GNG12: variants seen among roughly 807,000 people sequenced by gnomAD.
GNG12 encodes the protein guanine nucleotide-binding protein G(I)/G(S)/G(O) subunit gamma-12.
For missense variants in GNG12, 69 were observed against 83.8 expected, an observed-to-expected ratio of 0.82 and a Z score of 0.69; for synonymous variants, 28 against 29.7, an observed-to-expected ratio of 0.94 and a Z score of 0.19.
At chr1:67,753,174 T>C (rs1646548482) in intron 2 of GNG12, among the ~76,000 whole-genome samples, 1 of 152,078 alleles carries the variant, frequency 6.6e-6, no homozygotes, top group South Asian at 2.1e-4. Flanking sequence ...TTGAAAGAAT[T>C]TTTTTTTAAG....
chr1:67,813,228 AG>A (rs1429815478), intron 1 of GNG12, among the ~76,000 whole-genome samples: 1 of 152,186 alleles, frequency 6.6e-6, no homozygotes, highest in African/African-American at 2.4e-5. Context: ...AATTATTTCA[AG>A]GGTCATCATA....
chr1:67,812,972 G>A (rs72924741), intron 1 of GNG12, among the ~76,000 whole-genome samples: 6,257 of 152,212 alleles, frequency 0.041, 243 homozygotes, highest in African/African-American at 0.1. Context: ...AATTAGCTAT[G>A]TGAACTTGGC....
intron 1 of GNG12, among the ~76,000 whole-genome samples, chr1:67,827,890 G>A (rs1216442521): frequency 1.3e-5 from 2 of 152,334 alleles, no homozygotes; most frequent in Admixed American, 6.5e-5. Flanking sequence ...AGTGACATCA[G>A]ATATGATTTT....
rs188486383 is a variant in GNG12 at position 67,769,965 on chromosome 1, T to A, written c.-27+7493A>T. 2.0e-5 allele frequency among the ~76,000 whole-genome samples: 3 copies of A among 152,126 alleles called. No homozygotes were observed. The East Asian group carries it at 5.8e-4, about 29-fold the overall frequency. The stretch of plus-strand genomic sequence containing the variant: ...AGCTGAAAATCTGAATGGGATGATA[T>A]GGGAGGGAAGGAGGGGAGATGGAGG... On this transcript the variant is annotated intron_variant, in intron 2 of 3. Coordinates refer to ENST00000370982, the MANE Select transcript of GNG12 (RefSeq NM_018841.6).
chr1:67,764,254 G>A lies in GNG12; in HGVS notation c.-27+13204C>T, dbSNP rs527530105. ...AGGTAGACAGGGAATAGTCTGGTGC[G>A]TAGAGAAAGACAAATGAGCCAGTGA... On this transcript the variant is annotated intron_variant, in intron 2 of 3. Coordinates refer to ENST00000370982, the MANE Select transcript of GNG12 (RefSeq NM_018841.6). 2.2e-4 allele frequency among the ~76,000 whole-genome samples: 33 copies of A among 152,274 alleles called. No individual in the cohort carries two copies. The South Asian group carries it at 4.6e-3, about 21-fold the overall frequency.
intron 1 of GNG12, among the ~76,000 whole-genome samples, chr1:67,828,495 T>C (rs1557630316): frequency 2.0e-5 from 3 of 152,182 alleles, no homozygotes; most frequent in Admixed American, 1.3e-4. Flanking sequence ...GAACCTCAGC[T>C]TCCTCCTCTG....
intron 2 of GNG12, among the ~76,000 whole-genome samples, chr1:67,723,566 A>T (rs1174297284): frequency 8.5e-5 from 13 of 152,146 alleles, no homozygotes; most frequent in Non-Finnish European, 4.4e-5. Context: ...TTAAGAGTTA[A>T]TATTTATATA....
At chr1:67,722,123 T>TA (rs930684358) in intron 2 of GNG12, among the ~76,000 whole-genome samples, 6 of 150,642 alleles carry the variant, frequency 4.0e-5, no homozygotes, top group Non-Finnish European at 7.4e-5. Context: ...AGAATGCACT[T>TA]AAAAAAAAAG....
intron 2 of GNG12, among the ~76,000 whole-genome samples, chr1:67,767,155 A>G (rs1027004939): frequency 6.6e-6 from 1 of 152,150 alleles, no homozygotes; most frequent in Non-Finnish European, 1.5e-5. Flanking sequence ...CCTGAACCTT[A>G]GGGCTCTTTA....
chr1:67,786,967 GTGTGTGTGTGTGTGTGTGTA>G (rs1407314313), intron 1 of GNG12, among the ~76,000 whole-genome samples: 45 of 148,734 alleles, frequency 3.0e-4, no homozygotes, highest in African/African-American at 1.1e-3. Context: ...GTGTGTGTGT[GTGTGTGTGTGTGTGTGTGTA>G]TGTATATATA....
At chr1:67,826,127 G>A (rs1028857308) in intron 1 of GNG12, among the ~76,000 whole-genome samples, 1 of 152,142 alleles carries the variant, frequency 6.6e-6, no homozygotes, top group Non-Finnish European at 1.5e-5. Flanking sequence ...AAACCAAATG[G>A]TTAAGTGACA....
At chr1:67,727,788 T>C (rs1356308989) in intron 2 of GNG12, among the ~76,000 whole-genome samples, 1 of 152,252 alleles carries the variant, frequency 6.6e-6, no homozygotes, top group African/African-American at 2.4e-5. Flanking sequence ...CTATATTAGA[T>C]AGGGCTAATT....
At chr1:67,735,044 T>C (rs557946131) in intron 2 of GNG12, among the ~76,000 whole-genome samples, 1 of 152,072 alleles carries the variant, frequency 6.6e-6, no homozygotes, top group Admixed American at 6.6e-5. Flanking sequence ...TTAGTAGAGA[T>C]GGGGTTCCAT....
rs148601799 is a variant in GNG12, at chr1:67,707,648, C to T, written c.39G>A (p.Gln13=). ...TTAACTGCTGCACAGTTCTCCTTGC[C>T]TGGGCTATATTGTTGGTGCTTGCTG... ...SKTASTNNIA[Q]ARRTVQQLRL... is the part of the protein sequence containing the mutation. Residue 13 remains glutamine, a synonymous_variant, in exon 3 of 4, where the codon CAG becomes CAA. Coordinates refer to ENST00000370982, the MANE Select transcript of GNG12 (RefSeq NM_018841.6). 1.2e-6 allele frequency: 2 copies of T among 1,608,948 alleles called. No individual in the cohort carries two copies. The highest frequency in any genetic ancestry group is 2.7e-5 in the African/African-American group (2 of 74,636).
chr1:67,803,623 C>T (rs72924728), intron 1 of GNG12, among the ~76,000 whole-genome samples: 15,612 of 152,158 alleles, frequency 0.1, 1,631 homozygotes, highest in African/African-American at 0.27. Flanking sequence ...AAGTGCTTTG[C>T]GAGCATTATT....
At chr1:67,769,142 C>T (rs748425044) in intron 2 of GNG12, among the ~76,000 whole-genome samples, 8 of 152,202 alleles carry the variant, frequency 5.3e-5, no homozygotes, top group Non-Finnish European at 1.2e-4. Flanking sequence ...CATTCTTAGG[C>T]CACTGCACCC....
At chr1:67,815,397 C>T (rs1646948206) in intron 1 of GNG12, among the ~76,000 whole-genome samples, 1 of 152,178 alleles carries the variant, frequency 6.6e-6, no homozygotes, top group Non-Finnish European at 1.5e-5. Flanking sequence ...CGTATGATGA[C>T]GCTGGCCATG....
intron 2 of GNG12, among the ~76,000 whole-genome samples, chr1:67,771,013 C>CAGAG (rs149741254): frequency 1.3e-5 from 2 of 149,680 alleles, no homozygotes; most frequent in Non-Finnish European, 3.0e-5. Flanking sequence ...GACAGAGATA[C>CAGAG]AGAGAGAGAG....
intron 2 of GNG12, among the ~76,000 whole-genome samples, chr1:67,736,210 ACTCC>A (rs1199024483): frequency 1.3e-5 from 2 of 151,658 alleles, no homozygotes; most frequent in African/African-American, 2.4e-5. Flanking sequence ...CCACAAAGGC[ACTCC>A]CTCCCAGCCT....
Sources: gnomAD v4.1 joint callset for allele counts (sites outside exome capture counted in the v4.1 genomes callset) on GRCh38, gnomAD v4.1.1 for gene constraint, MANE v1.5 for transcripts, NCBI Gene and HGNC (gene_info 2026-07-23, HGNC 2026-07-21) for gene names.